Variants in ZNF277 observed in about 807,000 individuals in gnomAD.
ZNF277 encodes zinc finger protein 277.
ZNF277 carries 55 observed loss-of-function variants against 60.7 expected under a neutral mutation model. That is an observed-to-expected ratio of 0.91 (90% CI 0.73 to 1.13). The LOEUF (loss-of-function observed/expected upper bound fraction) is 1.13. ZNF277 is among the 50% of genes most tolerant of loss of function. The pLI is 0.00. For synonymous variants in ZNF277, 178 were observed against 179.3 expected (o/e 0.99, Z 0.06); for missense variants, 510 against 523.0 (o/e 0.98, Z 0.24).
chr7:112,270,438 G>A (rs1450638199), intron 1 of ZNF277, among the ~76,000 whole-genome samples: 1 of 152,130 alleles, frequency 6.6e-6, no homozygotes, highest in African/African-American at 2.4e-5. Flanking sequence ...TTAAAGATCT[G>A]TATGTATTGC....
chr7:112,227,193 G>A (rs1339262573), intron 1 of ZNF277, among the ~76,000 whole-genome samples: 1 of 152,198 alleles, frequency 6.6e-6, no homozygotes, highest in Non-Finnish European at 1.5e-5. Flanking sequence ...ATCCTTGCGT[G>A]AAATTAGTTG....
At chr7:112,302,433 C>T (rs1277332711) in intron 4 of ZNF277, among the ~76,000 whole-genome samples, 15 of 152,084 alleles carry the variant, frequency 9.9e-5, no homozygotes. Context: ...ACTTTTCTTG[C>T]ATAATTCCTA....
chr7:112,213,024 G>A (rs147493892), intron 1 of ZNF277, among the ~76,000 whole-genome samples: 2,672 of 152,242 alleles, frequency 0.018, 87 homozygotes, highest in African/African-American at 0.062. Flanking sequence ...ACATGGTTTG[G>A]CTGTGTCCCC....
chr7:112,295,072 A>G (rs984365518), intron 2 of ZNF277, among the ~76,000 whole-genome samples: 6 of 152,110 alleles, frequency 3.9e-5, no homozygotes, highest in Non-Finnish European at 7.4e-5. Flanking sequence ...ATTGGGAGCT[A>G]TAGAATCAAG....
chr7:112,304,915 G>C (rs915907826), intron 4 of ZNF277, among the ~76,000 whole-genome samples: 1 of 152,090 alleles, frequency 6.6e-6, no homozygotes, highest in Non-Finnish European at 1.5e-5. Context: ...TTTTTACCAA[G>C]ATCTCAAAGG....
intron 5 of ZNF277, among the ~76,000 whole-genome samples, chr7:112,320,946 G>T (rs1584408794): frequency 8.6e-6 from 1 of 116,320 alleles, no homozygotes; most frequent in African/African-American, 3.5e-5. Context: ...TTTTGAGATG[G>T]AGTCTCACTC....
intron 5 of ZNF277, among the ~76,000 whole-genome samples, chr7:112,324,841 T>G (rs1793061546): frequency 6.6e-6 from 1 of 152,046 alleles, no homozygotes; most frequent in African/African-American, 2.4e-5. Flanking sequence ...AAGTTGGAGA[T>G]TCAAGAAAGC....
intron 1 of ZNF277, among the ~76,000 whole-genome samples, chr7:112,243,199 A>G (rs1791000950): frequency 6.6e-6 from 1 of 152,128 alleles, no homozygotes; most frequent in South Asian, 2.1e-4. Context: ...TAAAGACTTA[A>G]ATGTAAGAAC....
At chr7:112,291,926 CA>C (rs1792214805) in intron 2 of ZNF277, among the ~76,000 whole-genome samples, 2 of 152,062 alleles carry the variant, frequency 1.3e-5, no homozygotes, top group African/African-American at 4.8e-5. Flanking sequence ...TGCTTTGTAA[CA>C]GATGATTTTT....
intron 4 of ZNF277, among the ~76,000 whole-genome samples, chr7:112,300,238 G>T (rs999531133): frequency 2.7e-5 from 4 of 150,792 alleles, no homozygotes; most frequent in African/African-American, 1.0e-4. Context: ...TGCAAGATTT[G>T]TATGTGTTCC....
intron 1 of ZNF277, among the ~76,000 whole-genome samples, chr7:112,253,425 T>TA (rs1216641831): frequency 6.6e-6 from 1 of 152,204 alleles, no homozygotes; most frequent in Non-Finnish European, 1.5e-5. Context: ...TTTCTAACGA[T>TA]ACTTGCTACC....
intron 4 of ZNF277, among the ~76,000 whole-genome samples, chr7:112,296,908 ATTTATTTTTTTTTTTTTTTT>A (rs1245972879): frequency 1.6e-4 from 6 of 37,178 alleles, no homozygotes; most frequent in East Asian, 8.8e-4. Flanking sequence ...TTATTTATTT[ATTTATTTTTTTTTTTTTTTT>A]TTTTTTTTTT....
intron 4 of ZNF277, among the ~76,000 whole-genome samples, chr7:112,310,116 G>A (rs1339028285): frequency 1.3e-5 from 2 of 152,036 alleles, no homozygotes; most frequent in African/African-American, 4.8e-5. Context: ...TCACATGGTT[G>A]AGCTTGATCT....
At chr7:112,216,179 GTAATGCTAA>G (rs1453392532) in intron 1 of ZNF277, among the ~76,000 whole-genome samples, 1 of 152,226 alleles carries the variant, frequency 6.6e-6, no homozygotes, top group Non-Finnish European at 1.5e-5. Context: ...ACAAAGGTAA[GTAATGCTAA>G]TAATGTACTG....
intron 7 of ZNF277, among the ~76,000 whole-genome samples, chr7:112,331,380 G>T (rs1216269141): frequency 1.3e-5 from 2 of 152,144 alleles, no homozygotes; most frequent in East Asian, 3.8e-4. Flanking sequence ...AGAGAGTTCT[G>T]TTTTGAATGG....
rs573803837 is a variant in ZNF277, at chr7:112,329,903, T to C, written c.669-181T>C. ...ACTTAGCTGACTACAAAATACACCA[T>C]ACTATGCACTCTACAAAGCCAAATG... On this transcript the variant is annotated intron_variant, in intron 6 of 11. Transcript: ENST00000361822. Among the ~76,000 whole-genome samples the C allele has an allele frequency of 2.6e-5, 4 of 152,272 alleles. No individual in the cohort carries two copies. The South Asian group carries it at 6.2e-4, about 24-fold the overall frequency.
At position 112,342,814 on chromosome 7, in the gene ZNF277, A is replaced by T; in HGVS notation, c.*85A>T. 9.3e-7 allele frequency: 1 copy of T among 1,076,992 alleles called. No homozygotes were observed. Among genetic ancestry groups the T allele is most frequent in the South Asian group, 2.9e-5 (1 of 34,012 alleles). 66.7% of individuals were successfully genotyped at this position (1,076,992 alleles called of 1,614,324 possible). On this transcript the variant is annotated 3_prime_UTR_variant, in exon 12 of 12. Coordinates refer to ENST00000361822, the MANE Select transcript of ZNF277 (RefSeq NM_021994.3). ...TGAGACAGATATGAAAGAACAATTTAAATTTGAACATCAACAAAAGATTGG... is the reference window on the plus strand; with the variant it reads ...TGAGACAGATATGAAAGAACAATTTTAATTTGAACATCAACAAAAGATTGG...
At chr7:112,208,360 C>G (rs1821632109) in intron 1 of ZNF277, among the ~76,000 whole-genome samples, 1 of 151,460 alleles carries the variant, frequency 6.6e-6, no homozygotes, top group Non-Finnish European at 1.5e-5. Flanking sequence ...GGAGGCAGAG[C>G]AAGACTCTGT....
rs554204384 is a variant in ZNF277, at chr7:112,207,074, T to C, written c.91+267T>C. Among the ~76,000 whole-genome samples the C allele has an allele frequency of 2.1e-3, 326 of 152,364 alleles. 1 individual carries two copies. The highest frequency in any genetic ancestry group is 4.2e-3 in the Non-Finnish European group (283 of 68,028). On this transcript the variant is annotated intron_variant, in intron 1 of 11. Coordinates refer to ENST00000361822, the MANE Select transcript of ZNF277 (RefSeq NM_021994.3). ...CTTCCCCTCCGCCGGGGAAGCTCCC[T>C]GAGCGTTTGTCTTCTGGTTTGGAGC...
Sources: allele counts gnomAD v4.1 joint callset (sites outside exome capture counted in the v4.1 genomes callset), GRCh38; gene constraint gnomAD v4.1.1; transcripts MANE v1.5; gene names NCBI Gene and HGNC (gene_info 2026-07-23, HGNC 2026-07-21).